PDE1C: variants seen among roughly 807,000 people sequenced by gnomAD.
The protein encoded by PDE1C is phosphodiesterase 1C.
A neutral mutation model predicts 93.1 loss-of-function variants in PDE1C; 62 were observed. The observed-to-expected ratio is 0.67, with a 90% CI of 0.54 to 0.82. The LOEUF is 0.82. Among genes scored for constraint, PDE1C ranks in the 40% least tolerant of loss-of-function variants. The pLI is 0.00. For synonymous variants in PDE1C, 325 were observed against 310.1 expected, an observed-to-expected ratio of 1.05 and a Z score of -0.50; for missense variants, 742 against 884.6, an observed-to-expected ratio of 0.84 and a Z score of 2.04.
intron 1 of PDE1C, among the ~76,000 whole-genome samples, chr7:32,360,316 T>G (rs1187412474): frequency 6.6e-6 from 1 of 152,210 alleles, no homozygotes; most frequent in African/African-American, 2.4e-5. Context: ...AGCCCTCCAC[T>G]CCTATCTGTT....
At chr7:32,147,506 G>A (rs1364012039) in intron 3 of PDE1C, among the ~76,000 whole-genome samples, 1 of 151,972 alleles carries the variant, frequency 6.6e-6, no homozygotes, top group Non-Finnish European at 1.5e-5. Flanking sequence ...GCATGCCCAG[G>A]CCTTTTTTCT....
Position 31,753,359 on chromosome 7 carries a change from C to CA in PDE1C, c.*24dup. 6.2e-7 allele frequency: 1 copy of CA among 1,601,738 alleles called. No homozygotes were observed. The highest frequency in any genetic ancestry group is 1.1e-5 in the South Asian group (1 of 88,640). ...AGAAGCAGATAGGTAGACCCTCCTTCACTCCCTCTCTTCTTCCCCTCGGCC... is the reference window on the plus strand; with the variant it reads ...AGAAGCAGATAGGTAGACCCTCCTTCAACTCCCTCTCTTCTTCCCCTCGGCC... On this transcript the variant is annotated 3_prime_UTR_variant, in exon 18 of 18. Coordinates refer to ENST00000396191, the MANE Select transcript of PDE1C (RefSeq NM_001191057.4).
intron 3 of PDE1C, among the ~76,000 whole-genome samples, chr7:32,163,402 T>C (rs2128799714): frequency 6.6e-6 from 1 of 152,318 alleles, no homozygotes; most frequent in African/African-American, 2.4e-5. Flanking sequence ...GTTCAACGAT[T>C]TAATTCTGCA....
chr7:32,059,258 G>A (rs1021954517), intron 1 of PDE1C, among the ~76,000 whole-genome samples: 1 of 152,174 alleles, frequency 6.6e-6, no homozygotes, highest in Non-Finnish European at 1.5e-5. Flanking sequence ...CCTAAAGAAT[G>A]GGAGAATGCA....
the PDE1C span, among the ~76,000 whole-genome samples, chr7:31,684,331 C>T: frequency 6.6e-6 from 1 of 152,120 alleles, no homozygotes; most frequent in African/African-American, 2.4e-5. Flanking sequence ...AATCTACAGG[C>T]TGGAATATGC....
At chr7:32,161,338 G>C (rs747869254) in intron 3 of PDE1C, among the ~76,000 whole-genome samples, 1 of 152,134 alleles carries the variant, frequency 6.6e-6, no homozygotes, top group Non-Finnish European at 1.5e-5. Flanking sequence ...GAGCATCCTT[G>C]ACATTGGGCT....
chr7:31,739,200 G>C, the PDE1C span, among the ~76,000 whole-genome samples: 6 of 143,070 alleles, frequency 4.2e-5, no homozygotes, highest in Admixed American at 4.2e-4. Flanking sequence ...GTAACTTTTA[G>C]ACACACACAC....
intron 3 of PDE1C, among the ~76,000 whole-genome samples, chr7:32,153,364 C>A (rs1222351322): frequency 7.2e-5 from 11 of 152,082 alleles, no homozygotes; most frequent in Non-Finnish European, 1.6e-4. Context: ...GAGAAGGGAG[C>A]AAAATCTTTA....
At chr7:31,806,012 T>C (rs1289435274) in intron 16 of PDE1C, among the ~76,000 whole-genome samples, 2 of 152,040 alleles carry the variant, frequency 1.3e-5, no homozygotes, top group East Asian at 3.9e-4. Context: ...TTGTTACTTA[T>C]CTTTGGCAAA....
the PDE1C span, among the ~76,000 whole-genome samples, chr7:31,697,615 G>T: frequency 6.6e-6 from 1 of 151,920 alleles, no homozygotes; most frequent in Non-Finnish European, 1.5e-5. Flanking sequence ...TAAAGGAGCT[G>T]CTCTGTGAGA....
intron 3 of PDE1C, among the ~76,000 whole-genome samples, chr7:32,131,087 T>A (rs1799896243): frequency 1.3e-5 from 2 of 152,102 alleles, no homozygotes; most frequent in Non-Finnish European, 2.9e-5. Context: ...AGGTTATGGA[T>A]CTCTTCATGG....
At chr7:32,404,415 A>G (rs1785011107) in intron 1 of PDE1C, among the ~76,000 whole-genome samples, 1 of 152,116 alleles carries the variant, frequency 6.6e-6, no homozygotes, top group Non-Finnish European at 1.5e-5. Flanking sequence ...GTGCAGTGGC[A>G]AGAACACAGC....
chr7:31,716,056 T>C, the PDE1C span, among the ~76,000 whole-genome samples: 69,178 of 151,962 alleles, frequency 0.46, 18,157 homozygotes, highest in African/African-American at 0.71. Context: ...TGCCTCATTG[T>C]TGTTATCCTG....
chr7:32,330,907 T>A (rs2128076922), intron 1 of PDE1C, among the ~76,000 whole-genome samples: 1 of 152,272 alleles, frequency 6.6e-6, no homozygotes, highest in South Asian at 2.1e-4. Context: ...AGGCCATCGG[T>A]CCCCTGGGAA....
chr7:32,134,951 T>G (rs921512502), intron 3 of PDE1C, among the ~76,000 whole-genome samples: 2 of 152,106 alleles, frequency 1.3e-5, no homozygotes, highest in African/African-American at 2.4e-5. Flanking sequence ...TAGTTAACTG[T>G]GTAGCATGCA....
chr7:32,098,229 C>CAAAAAAAA (rs60146342), intron 3 of PDE1C, among the ~76,000 whole-genome samples: 19 of 46,240 alleles, frequency 4.1e-4, no homozygotes, highest in South Asian at 1.1e-3. Context: ...GACTCCGTCT[C>CAAAAAAAA]AAAAAAAAAA....
chr7:31,743,534 T>G, the PDE1C span, among the ~76,000 whole-genome samples: 1 of 151,428 alleles, frequency 6.6e-6, no homozygotes, highest in Non-Finnish European at 1.5e-5. Flanking sequence ...ACATCAGCAT[T>G]GAGAAGTTCG....
chr7:32,023,986 C>T (rs116581380), intron 2 of PDE1C, among the ~76,000 whole-genome samples: 1,616 of 152,174 alleles, frequency 0.011, 34 homozygotes, highest in African/African-American at 0.037. Flanking sequence ...AGATGTGAAC[C>T]CTGAGGGAGC....
chr7:31,835,642 A>G (rs1790996283), intron 11 of PDE1C, among the ~76,000 whole-genome samples: 1 of 151,878 alleles, frequency 6.6e-6, no homozygotes, highest in Admixed American at 6.6e-5. Flanking sequence ...GTCCAACCTT[A>G]TCCTAAATCC....
Sources: gnomAD v4.1 joint callset for allele counts (sites outside exome capture counted in the v4.1 genomes callset) on GRCh38, gnomAD v4.1.1 for gene constraint, MANE v1.5 for transcripts, NCBI Gene and HGNC (gene_info 2026-07-23, HGNC 2026-07-21) for gene names.